Variants in EEA1 observed in about 807,000 individuals in gnomAD.
The protein encoded by EEA1 is early endosome antigen 1, 162kD.
Under a neutral mutation model 209.2 loss-of-function variants are expected in EEA1, and 111 were observed. That is an observed-to-expected ratio of 0.53 (90% CI 0.45 to 0.62). The LOEUF is 0.62. Ranked by LOEUF, EEA1 falls within the 20% of genes least tolerant of loss-of-function variation. The pLI, the probability that EEA1 is intolerant of heterozygous loss-of-function variation, is 0.00. For synonymous variants in EEA1, 536 were observed against 540.6 expected (o/e 0.99, Z 0.12); for missense variants, 1,343 against 1,530.8 (o/e 0.88, Z 2.05).
At chr12:92,890,058 T>C (rs1414769088) in intron 2 of EEA1, among the ~76,000 whole-genome samples, 1 of 152,200 alleles carries the variant, frequency 6.6e-6, no homozygotes, top group Non-Finnish European at 1.5e-5. Context: ...GTAAACAGCA[T>C]ATTAGAGAAG....
At chr12:92,904,558 C>T (rs1370555409) in intron 1 of EEA1, among the ~76,000 whole-genome samples, 1 of 152,220 alleles carries the variant, frequency 6.6e-6, no homozygotes, top group African/African-American at 2.4e-5. Flanking sequence ...TAAGACTGCC[C>T]TCCCCTTCTA....
In EEA1 at chr12:92,783,712, T is replaced by C. The variant is rs369044500; in HGVS notation, c.3151-1577A>G. On this transcript the variant is annotated intron_variant, in intron 22 of 28. Coordinates refer to ENST00000322349, the MANE Select transcript of EEA1 (RefSeq NM_003566.4). ...GGGGATAAATATGGTAACAGGTAGATAATGGGTATGGTAGGAACCTTGCCA... is the reference window on the plus strand; with the variant it reads ...GGGGATAAATATGGTAACAGGTAGACAATGGGTATGGTAGGAACCTTGCCA... 9.9e-5 allele frequency among the ~76,000 whole-genome samples: 15 copies of C among 152,246 alleles called. No individual in the cohort carries two copies. The East Asian group carries it at 2.7e-3, about 27-fold the overall frequency.
At chr12:92,783,473 A>G (rs1283088834) in intron 22 of EEA1, among the ~76,000 whole-genome samples, 11 of 152,232 alleles carry the variant, frequency 7.2e-5, no homozygotes, top group African/African-American at 2.7e-4. Context: ...TTCACAGCTG[A>G]CAACCTGATC....
intron 12 of EEA1, among the ~76,000 whole-genome samples, chr12:92,827,575 TA>T (rs1382097745): frequency 2.6e-5 from 4 of 152,220 alleles, no homozygotes; most frequent in Non-Finnish European, 5.9e-5. Context: ...TACATGTCAT[TA>T]ACGATCTTTA....
intron 24 of EEA1, among the ~76,000 whole-genome samples, chr12:92,780,046 T>C (rs1873835488): frequency 6.6e-6 from 1 of 152,062 alleles, no homozygotes; most frequent in Non-Finnish European, 1.5e-5. Context: ...ATCCAAACTC[T>C]TAGGGTTACT....
rs140823398 is a variant in EEA1 at position 92,830,483 on chromosome 12, T to C, written c.1254+2029A>G. Reference sequence around the variant, plus strand: ...ACAATGGCCTCCAGCTCCATCCACATTGCTATAAGGAGCATGATCTTGTTC... The same window carrying C: ...ACAATGGCCTCCAGCTCCATCCACACTGCTATAAGGAGCATGATCTTGTTC... On this transcript the variant is annotated intron_variant, in intron 11 of 28. Coordinates refer to ENST00000322349, the MANE Select transcript of EEA1 (RefSeq NM_003566.4). 8.0e-3 allele frequency among the ~76,000 whole-genome samples: 1,224 copies of C among 152,172 alleles called. 24 individuals are homozygous for C. The highest frequency in any genetic ancestry group is 0.027 in the African/African-American group (1,127 of 41,512).
chr12:92,861,241 A>G (rs1345606165), intron 3 of EEA1, among the ~76,000 whole-genome samples: 1 of 152,174 alleles, frequency 6.6e-6, no homozygotes, highest in Non-Finnish European at 1.5e-5. Context: ...AGATCACCTG[A>G]GGTCAGGAGT....
At chr12:92,841,519 A>T (rs1032181426) in intron 10 of EEA1, among the ~76,000 whole-genome samples, 1 of 152,218 alleles carries the variant, frequency 6.6e-6, no homozygotes, top group African/African-American at 2.4e-5. Context: ...TGCAAATCAC[A>T]TATCTGATAA....
At chr12:92,802,018 A>G (rs1874939453) in intron 19 of EEA1, among the ~76,000 whole-genome samples, 1 of 152,032 alleles carries the variant, frequency 6.6e-6, no homozygotes, top group Non-Finnish European at 1.5e-5. Context: ...TTGCCACACT[A>G]CTTTTATAGC....
At chr12:92,828,551 C>T (rs1014949868) in intron 11 of EEA1, among the ~76,000 whole-genome samples, 1 of 150,988 alleles carries the variant, frequency 6.6e-6, no homozygotes, top group African/African-American at 2.4e-5. Context: ...CATACTGGCA[C>T]ATAATTTCTA....
At position 92,776,069 on chromosome 12, in the gene EEA1, G is replaced by A; in HGVS notation, c.4178C>T (p.Pro1393Leu). 6.2e-7 allele frequency: 1 copy of A among 1,611,504 alleles called. No individual in the cohort carries two copies. The highest frequency in any genetic ancestry group is 1.1e-5 in the South Asian group (1 of 90,860). The change falls in exon 29 of 29, where the codon CCT becomes CTT. Residue 1393 changes from proline (P) to leucine (L), a missense_variant. Around this residue, in one of 3 missense-constraint regions of EEA1, gnomAD observed 28 missense variants for 37.7 expected, o/e 0.74. Coordinates refer to ENST00000322349, the MANE Select transcript of EEA1 (RefSeq NM_003566.4). ...AECSAKNALTPSSKKPVRVCD... is the reference protein window; with the variant it reads ...AECSAKNALTLSSKKPVRVCD... ...GACACGAACAGGCTTCTTGGAGGAA[G>A]GAGTTAAGGCATTTTTGGCTGAACA...
rs1189755218 is a variant in EEA1, at chr12:92,848,605, G to A, written c.798+2506C>T. On this transcript the variant is annotated intron_variant, in intron 9 of 28. Transcript: ENST00000322349. Reference sequence around the variant, plus strand: ...TAAAACACTAAAAATTCTTAAATAAGAATTTATTAGAGTAACTCTTAAATA... The same window carrying A: ...TAAAACACTAAAAATTCTTAAATAAAAATTTATTAGAGTAACTCTTAAATA... Among the ~76,000 whole-genome samples the A allele has an allele frequency of 2.0e-5, 3 of 149,184 alleles. No individual in the cohort carries two copies. In the East Asian group the frequency reaches 5.9e-4, roughly 30 times the overall value.
At chr12:92,846,147 G>A (rs1877381191) in intron 9 of EEA1, among the ~76,000 whole-genome samples, 1 of 152,132 alleles carries the variant, frequency 6.6e-6, no homozygotes, top group African/African-American at 2.4e-5. Flanking sequence ...AAACAAAAAT[G>A]AGCATGTCTT....
intron 2 of EEA1, among the ~76,000 whole-genome samples, chr12:92,876,718 A>T (rs1284834780): frequency 1.3e-5 from 2 of 152,058 alleles, no homozygotes; most frequent in African/African-American, 2.4e-5. Context: ...AGCCCAAGAA[A>T]AGAAAAAACT....
intron 15 of EEA1, among the ~76,000 whole-genome samples, chr12:92,814,403 G>A (rs994951054): frequency 3.9e-5 from 6 of 151,946 alleles, no homozygotes; most frequent in Non-Finnish European, 8.8e-5. Flanking sequence ...ATTTACATAC[G>A]GCATTTCATC....
chr12:92,797,819 G>A (rs1874725733), intron 21 of EEA1, among the ~76,000 whole-genome samples: 1 of 152,142 alleles, frequency 6.6e-6, no homozygotes, highest in South Asian at 2.1e-4. Context: ...ATTTTGTAAA[G>A]CAGCATAATA....
intron 3 of EEA1, chr12:92,858,659 G>C: frequency 1.4e-6 from 1 of 736,796 alleles, no homozygotes; most frequent in Non-Finnish European, 2.6e-6. Context: ...ATGCAGGATT[G>C]AGGTGCTATG....
At chr12:92,789,205 G>T (rs545294942) in intron 21 of EEA1, among the ~76,000 whole-genome samples, 4 of 150,520 alleles carry the variant, frequency 2.7e-5, no homozygotes, top group South Asian at 2.1e-4. Context: ...CAGAAGAATC[G>T]CCTGAACACA....
rs1873640958 is a variant in EEA1 at position 92,775,990 on chromosome 12, C to T, written c.*21G>A. On this transcript the variant is annotated 3_prime_UTR_variant, in exon 29 of 29. Coordinates refer to ENST00000322349, the MANE Select transcript of EEA1 (RefSeq NM_003566.4). The stretch of plus-strand genomic sequence containing the variant: ...AAAATCTAATGTTAGTGTAATATTA[C>T]TCTGAAGTTGTGATAACCCATTATC... 1 of 1,606,268 alleles carries T rather than the reference C, an allele frequency of 6.2e-7. No homozygotes were observed. The highest frequency in any genetic ancestry group is 8.5e-7 in the Non-Finnish European group (1 of 1,175,840).
Sources: allele counts gnomAD v4.1 joint callset (sites outside exome capture counted in the v4.1 genomes callset), GRCh38; gene constraint gnomAD v4.1.1; regional missense constraint gnomAD v4.1.1; transcripts MANE v1.5; gene names NCBI Gene and HGNC (gene_info 2026-07-23, HGNC 2026-07-21).